The following ABCA5 variants were observed in gnomAD, a reference collection of about 807,000 sequenced individuals.
The protein encoded by ABCA5 is cholesterol transporter ABCA5.
In ABCA5, 163 loss-of-function variants were observed where a neutral mutation model predicts 206.0. The ratio of observed to expected loss-of-function variants is 0.79; its 90% CI spans 0.70 to 0.90. The LOEUF (loss-of-function observed/expected upper bound fraction) is 0.90, where lower values mean the gene tolerates loss of function less well. ABCA5 is among the 40% of genes least tolerant of loss of function. The pLI, the probability that ABCA5 is intolerant of heterozygous loss-of-function variation, is 0.00. For synonymous variants in ABCA5, 609 were observed against 613.8 expected, an observed-to-expected ratio of 0.99 and a Z score of 0.11; for missense variants, 1,859 against 1,912.9, an observed-to-expected ratio of 0.97 and a Z score of 0.53.
chr17:69,309,264 C>T lies in ABCA5; in HGVS notation c.467G>A (p.Arg156Lys). 2 of 1,563,962 alleles carry T rather than the reference C, an allele frequency of 1.3e-6. No individual in the cohort carries two copies. The highest frequency in any genetic ancestry group is 1.7e-6 in the Non-Finnish European group (2 of 1,162,580). Residue 156 changes from arginine (R) to lysine (K), a missense_variant and splice_region_variant, in exon 4 of 39, where the codon AGA becomes AAA. Arg to Lys is a conservative substitution (Grantham distance 26). Transcript: ENST00000392676. ...AATGATTATGTAGGGCTATTTACCT[C>T]TTGAATCCATATAAATAGAAGATAC... ...IPVSSIYMDSRAGCSKSCEAA... is the reference protein window; with the variant it reads ...IPVSSIYMDSKAGCSKSCEAA...
intron 37 of ABCA5, chr17:69,249,410 T>A (rs1344338851): frequency 1.3e-5 from 2 of 153,298 alleles, no homozygotes; most frequent in African/African-American, 4.8e-5. Context: ...CTTAAAATTT[T>A]GGGGACTGCC....
chr17:69,313,050 G>C, intron 3 of ABCA5, 42 bp downstream of exon 3: 1 of 1,359,832 alleles, frequency 7.4e-7, no homozygotes, highest in Non-Finnish European at 9.9e-7. Flanking sequence ...TATTGAAAAG[G>C]CTTAATATTA....
Position 69,261,258 on chromosome 17 carries a change from G to A in ABCA5, c.3431C>T (p.Ala1144Val). Reference sequence around the variant, plus strand: ...AGTGATTGCAATACAAGCCAACGCTGCCTAAAGAAAAAAATAAATAAATAA... The same window carrying A: ...AGTGATTGCAATACAAGCCAACGCTACCTAAAGAAAAAAATAAATAAATAA... ...KEFWSFIYSV[A>V]ALACIAITEI... Residue 1144 changes from alanine (A) to valine (V), a missense_variant and splice_region_variant, in exon 26 of 39, where the codon GCA becomes GTA. Physicochemically the swap from Ala to Val is moderately conservative, Grantham distance 64. Transcript: ENST00000392676. 1 of 1,583,244 alleles carries A rather than the reference G, an allele frequency of 6.3e-7. No individual in the cohort carries two copies. Among genetic ancestry groups the A allele is most frequent in the Non-Finnish European group, 8.6e-7 (1 of 1,168,124 alleles).
At chr17:69,266,674 A>T (rs2075212858) in intron 23 of ABCA5, among the ~76,000 whole-genome samples, 4 of 148,644 alleles carry the variant, frequency 2.7e-5, no homozygotes, top group Admixed American at 2.7e-4. Flanking sequence ...AGAAAATGCA[A>T]ATGTCCAGTA....
chr17:69,286,021 AT>A lies in ABCA5; in HGVS notation c.2148del (p.Lys716AsnfsTer48), dbSNP rs745704609. On this transcript the variant is annotated frameshift_variant, in exon 17 of 39. Coordinates refer to ENST00000392676, the MANE Select transcript of ABCA5 (RefSeq NM_172232.4). LOFTEE classifies it high-confidence loss of function. ...GAAGAAAGAGATTCTGTGGCACAAT[AT>A]TTGTCTATGTACATGCTAGAGAATA... Reference protein sequence around the residue: ...IGYRLSMYIDKYCATESLSSL... With the variant: ...IGYRLSMYIDXYCATESLSSL... 1 of 1,611,856 alleles carries A rather than the reference AT, an allele frequency of 6.2e-7. No individual in the cohort carries two copies. Among genetic ancestry groups the A allele is most frequent in the East Asian group, 2.2e-5 (1 of 44,750 alleles).
chr17:69,269,385 TC>T (rs1345242239), intron 22 of ABCA5, among the ~76,000 whole-genome samples: 1 of 152,202 alleles, frequency 6.6e-6, no homozygotes, highest in Admixed American at 6.5e-5. Flanking sequence ...AGTAGGTGGT[TC>T]GTTTTCTGTA....
chr17:69,260,222 CT>C, intron 27 of ABCA5, 115 bp downstream of exon 27: 1 of 738,488 alleles, frequency 1.4e-6, no homozygotes, highest in South Asian at 2.4e-5. Flanking sequence ...ACATGCTTAA[CT>C]TTTTATGCAC....
Position 69,271,374 on chromosome 17 carries a change from G to T in ABCA5, c.2765-85C>A, listed in dbSNP as rs191184206. ...CTGGGAAGATAATTCTATTTTTAGA[G>T]AAATATTTTATTTTCATTAGCGAAT... is the stretch of plus-strand genomic sequence containing the variant. On this transcript the variant is annotated intron_variant, in intron 20 of 38. Transcript: ENST00000392676. The T allele has an allele frequency of 7.3e-6, 10 of 1,374,482 alleles. No individual in the cohort carries two copies. The East Asian group carries it at 1.5e-4, about 21-fold the overall frequency. The allele number at this position is 1,374,482 out of a possible 1,614,324, so 85.1% of individuals were successfully genotyped here.
rs1354356021 is a variant in ABCA5, at chr17:69,256,235, G to A, written c.3780C>T (p.Asp1260=). Residue 1260 remains aspartate, a synonymous_variant, in exon 29 of 39, where the codon GAC becomes GAT. Transcript: ENST00000392676. The part of the protein sequence containing the change: ...SKNRKLPEPP[D]NEDEDEDVKA... ...TGACATCTTCATCTTCATCCTCATT[G>A]TCTGGTGGTTCTGGAAGCTTCCTAT... The A allele has an allele frequency of 1.9e-6, 3 of 1,608,908 alleles. No homozygotes were observed. The South Asian group carries it at 3.3e-5, about 18-fold the overall frequency.
chr17:69,310,786 G>C (rs919737262), intron 3 of ABCA5, among the ~76,000 whole-genome samples: 5 of 152,228 alleles, frequency 3.3e-5, no homozygotes, highest in African/African-American at 1.2e-4. Flanking sequence ...TTAACTGTGT[G>C]AGCACAGACA....
chr17:69,290,792 G>T (rs917318370), intron 12 of ABCA5, among the ~76,000 whole-genome samples: 3 of 151,956 alleles, frequency 2.0e-5, no homozygotes, highest in African/African-American at 7.2e-5. Flanking sequence ...TACTTTTGAG[G>T]TATGCCTTTA....
intron 1 of ABCA5, chr17:69,318,684 C>A (rs2075838213): frequency 4.5e-6 from 2 of 448,674 alleles, no homozygotes; most frequent in South Asian, 2.8e-5. Flanking sequence ...AAAATAAATT[C>A]TTCCAGCATT....
rs552382425 is a variant in ABCA5, at chr17:69,251,905, CTGTT to C, written c.4416-43_4416-40del. 3.3e-5 allele frequency: 53 copies of C among 1,588,512 alleles called. No homozygotes were observed. The African/African-American group carries it at 5.5e-4, about 16-fold the overall frequency. ...ATAAAACAAAAAGAGAGGAACACAT[CTGTT>C]TGTTAAAAAAAAATGGGTTTTTAAA... On this transcript the variant is annotated intron_variant, in intron 34 of 38. Coordinates refer to ENST00000392676, the MANE Select transcript of ABCA5 (RefSeq NM_172232.4).
At chr17:69,268,441 G>A (rs1362211017) in intron 22 of ABCA5, among the ~76,000 whole-genome samples, 1 of 151,964 alleles carries the variant, frequency 6.6e-6, no homozygotes, top group Admixed American at 6.6e-5. Context: ...ATCTAAGAAT[G>A]ATATTTGTTG....
chr17:69,247,683 C>A, intron 38 of ABCA5, 39 bp from the exon 39 acceptor site: 1 of 1,166,886 alleles, frequency 8.6e-7, no homozygotes. Flanking sequence ...TATGCTGTAT[C>A]TCAAGTACCT....
At position 69,274,148 on chromosome 17, in the gene ABCA5, A is replaced by C. The variant is rs772783455; in HGVS notation, c.2595-20T>G. 3 of 1,545,640 alleles carry C rather than the reference A, an allele frequency of 1.9e-6. No homozygotes were observed. The highest frequency in any genetic ancestry group is 1.7e-6 in the Non-Finnish European group (2 of 1,151,636). ...AGCAACCTGAAAAGAAAAAAAAAAC[A>C]ACACAGCTCAGGGTACAAAGGTACA... is the stretch of plus-strand genomic sequence containing the variant. On this transcript the variant is annotated intron_variant, in intron 19 of 38. Transcript: ENST00000392676.
chr17:69,281,552 A>T (rs2144962158), intron 18 of ABCA5, among the ~76,000 whole-genome samples: 1 of 152,324 alleles, frequency 6.6e-6, no homozygotes, highest in South Asian at 2.1e-4. Flanking sequence ...TAATTTTCAG[A>T]TAAATCTTCT....
At chr17:69,269,545 T>TTA (rs1416628757) in intron 22 of ABCA5, among the ~76,000 whole-genome samples, 2 of 152,156 alleles carry the variant, frequency 1.3e-5, no homozygotes, top group Non-Finnish European at 2.9e-5. Flanking sequence ...CCACTCCTAA[T>TTA]TATATATCCA....
At position 69,251,441 on chromosome 17, in the gene ABCA5, CAT is replaced by C. The variant is rs577053624; in HGVS notation, c.4535+304_4535+305del. The C allele has an allele frequency of 8.8e-4, 228 of 259,412 alleles. 4 individuals are homozygous for C. In the Admixed American group the frequency reaches 0.011, roughly 13 times the overall value. 16.1% of individuals were successfully genotyped at this position (259,412 alleles called of 1,614,324 possible). The stretch of plus-strand genomic sequence containing the variant: ...TTATTTATTTATGTAAGTAGAAACT[CAT>C]ATGTTTATTTCATATTTGTGTTACA... On this transcript the variant is annotated intron_variant, in intron 35 of 38. Transcript: ENST00000392676.
Sources: gnomAD v4.1 joint callset for allele counts (sites outside exome capture counted in the v4.1 genomes callset) on GRCh38, gnomAD v4.1.1 for gene constraint, MANE v1.5 for transcripts, NCBI Gene and HGNC (gene_info 2026-07-23, HGNC 2026-07-21) for gene names.